The following SEMA5A variants were observed in gnomAD, a reference collection of about 807,000 sequenced individuals.
SEMA5A encodes the protein semaphorin 5A.
In SEMA5A, 55 loss-of-function variants were observed where a neutral mutation model predicts 135.5. That is an observed-to-expected ratio of 0.41 (90% CI 0.33 to 0.51). SEMA5A has a LOEUF of 0.51. SEMA5A is among the 20% of genes least tolerant of loss of function. SEMA5A has a pLI of 0.37. For synonymous variants in SEMA5A, 580 were observed against 546.5 expected, an observed-to-expected ratio of 1.06 and a Z score of -0.85; for missense variants, 1,290 against 1,419.9, an observed-to-expected ratio of 0.91 and a Z score of 1.47.
At chr5:9,078,826 C>T (rs1332103844) in intron 16 of SEMA5A, among the ~76,000 whole-genome samples, 1 of 151,988 alleles carries the variant, frequency 6.6e-6, no homozygotes, top group East Asian at 1.9e-4. Context: ...CTTGGGAAAC[C>T]ATCTCATTGA....
intron 1 of SEMA5A, among the ~76,000 whole-genome samples, chr5:9,477,113 TTC>T (rs145236684): frequency 1.2e-3 from 179 of 147,260 alleles, no homozygotes; most frequent in Admixed American, 1.3e-3. Flanking sequence ...CTCCTTCTCA[TTC>T]TCTCTCTCTC....
intron 16 of SEMA5A, among the ~76,000 whole-genome samples, chr5:9,096,851 T>C (rs1371671377): frequency 6.6e-6 from 1 of 152,048 alleles, no homozygotes; most frequent in African/African-American, 2.4e-5. Context: ...CTGCTCAACA[T>C]CACTGGTCAT....
chr5:9,292,829 T>C (rs1244397300), intron 5 of SEMA5A, among the ~76,000 whole-genome samples: 1 of 152,168 alleles, frequency 6.6e-6, no homozygotes, highest in Non-Finnish European at 1.5e-5. Context: ...TAGAGACAGC[T>C]TTGGTTGTCA....
intron 5 of SEMA5A, among the ~76,000 whole-genome samples, chr5:9,257,849 G>A (rs1241825526): frequency 6.6e-6 from 1 of 152,126 alleles, no homozygotes; most frequent in Non-Finnish European, 1.5e-5. Context: ...ACACAGGGGT[G>A]TGCAGGGCAA....
intron 8 of SEMA5A, among the ~76,000 whole-genome samples, chr5:9,206,269 C>T (rs1746009375): frequency 6.6e-6 from 1 of 152,062 alleles, no homozygotes; most frequent in South Asian, 2.1e-4. Context: ...CATGGAGAAA[C>T]TGTTTTTTCT....
intron 3 of SEMA5A, among the ~76,000 whole-genome samples, chr5:9,370,990 A>C (rs1755112758): frequency 6.6e-6 from 1 of 152,354 alleles, no homozygotes; most frequent in East Asian, 1.9e-4. Context: ...ATAAAATACA[A>C]TAACGTACCA....
chr5:9,207,851 TGATAGATAGATAGATAGATAGATAGATA>T, intron 8 of SEMA5A, among the ~76,000 whole-genome samples: 1 of 146,090 alleles, frequency 6.8e-6, no homozygotes, highest in South Asian at 2.3e-4. Context: ...AGACAGATGA[TGATAGATAGATAGATAGATAGATAGATA>T]GATAGATAGA....
intron 8 of SEMA5A, among the ~76,000 whole-genome samples, chr5:9,210,101 A>T (rs1341458595): frequency 1.3e-5 from 2 of 152,130 alleles, no homozygotes; most frequent in Non-Finnish European, 2.9e-5. Flanking sequence ...GGTTTCCTTG[A>T]CTCATGTATA....
At chr5:9,156,238 A>T (rs893963180) in intron 11 of SEMA5A, among the ~76,000 whole-genome samples, 1 of 152,234 alleles carries the variant, frequency 6.6e-6, no homozygotes, top group Admixed American at 6.5e-5. Context: ...ATTAATTTTG[A>T]CTTGGACATC....
chr5:9,518,536 T>C (rs1253413355), intron 1 of SEMA5A, among the ~76,000 whole-genome samples: 2 of 152,230 alleles, frequency 1.3e-5, no homozygotes, highest in Non-Finnish European at 2.9e-5. Context: ...AATGTACACA[T>C]GATTTATGGA....
At chr5:9,302,292 C>T (rs1051965896) in intron 5 of SEMA5A, among the ~76,000 whole-genome samples, 10 of 152,190 alleles carry the variant, frequency 6.6e-5, no homozygotes, top group African/African-American at 2.4e-4. Context: ...TGCATGATAT[C>T]ACTGACAATA....
chr5:9,094,487 G>A (rs542542640), intron 16 of SEMA5A, among the ~76,000 whole-genome samples: 35 of 152,326 alleles, frequency 2.3e-4, no homozygotes, highest in Admixed American at 2.1e-3. Context: ...CCAATTAAAT[G>A]AGCTTCATAA....
intron 1 of SEMA5A, among the ~76,000 whole-genome samples, chr5:9,466,328 C>T (rs927834694): frequency 1.3e-5 from 2 of 149,202 alleles, no homozygotes; most frequent in African/African-American, 2.5e-5. Flanking sequence ...ATGTAACAAA[C>T]CTGCACGTTG....
Position 9,038,731 on chromosome 5 carries a change from CTTTTTTTTTT to C in SEMA5A, c.*4156_*4165del, listed in dbSNP as rs10695963. The C allele has an allele frequency of 7.1e-6, 1 of 140,568 alleles. No individual in the cohort carries two copies. Among genetic ancestry groups the C allele is most frequent in the East Asian group, 2.1e-4 (1 of 4,764 alleles). The allele number at this position is 140,568 out of a possible 1,614,324, so 8.7% of individuals were successfully genotyped here. ...AGAGACCCCCCGCTAAGACTTTGTTCTTTTTTTTTTTTTTTGAGACAGGGTCTCTCTCTGT... is the reference window on the plus strand; with the variant it reads ...AGAGACCCCCCGCTAAGACTTTGTTCTTTTTGAGACAGGGTCTCTCTCTGT... On this transcript the variant is annotated 3_prime_UTR_variant, in exon 23 of 23. Coordinates refer to ENST00000382496, the MANE Select transcript of SEMA5A (RefSeq NM_003966.3).
intron 5 of SEMA5A, among the ~76,000 whole-genome samples, chr5:9,275,328 A>G (rs1750200910): frequency 6.6e-6 from 1 of 152,182 alleles, no homozygotes; most frequent in Non-Finnish European, 1.5e-5. Context: ...TCTAAAATTG[A>G]GGCAGCAATT....
At chr5:9,066,878 TG>T (rs1242159499) in intron 16 of SEMA5A, among the ~76,000 whole-genome samples, 5 of 152,028 alleles carry the variant, frequency 3.3e-5, no homozygotes, top group African/African-American at 1.2e-4. Flanking sequence ...GTGTAAACAA[TG>T]GGAATGAGAC....
At chr5:9,272,455 C>A (rs113950733) in intron 5 of SEMA5A, among the ~76,000 whole-genome samples, 1 of 152,132 alleles carries the variant, frequency 6.6e-6, no homozygotes, top group African/African-American at 2.4e-5. Context: ...CTGAAACATC[C>A]CTGCCTGATG....
chr5:9,172,023 G>T (rs1368055954), intron 11 of SEMA5A, among the ~76,000 whole-genome samples: 2 of 151,854 alleles, frequency 1.3e-5, no homozygotes, highest in Non-Finnish European at 2.9e-5. Flanking sequence ...CAAAGATGAG[G>T]TAGCATTGAG....
intron 1 of SEMA5A, among the ~76,000 whole-genome samples, chr5:9,467,321 C>T (rs1351263061): frequency 6.6e-6 from 1 of 152,176 alleles, no homozygotes; most frequent in East Asian, 1.9e-4. Context: ...ACCATCTTGG[C>T]CAGGCTTGTC....
Sources: allele counts gnomAD v4.1 joint callset (sites outside exome capture counted in the v4.1 genomes callset), GRCh38; gene constraint gnomAD v4.1.1; transcripts MANE v1.5; gene names NCBI Gene and HGNC (gene_info 2026-07-23, HGNC 2026-07-21).